SGK3: variants seen among roughly 807,000 people sequenced by gnomAD.
SGK3 encodes the protein serine/threonine-protein kinase Sgk3.
Under a neutral mutation model 68.5 loss-of-function variants are expected in SGK3, and 47 were observed. The ratio of observed to expected loss-of-function variants is 0.69; its 90% CI spans 0.54 to 0.87. The LOEUF (loss-of-function observed/expected upper bound fraction) is 0.87. Among genes scored for constraint, SGK3 ranks in the 40% least tolerant of loss-of-function variants. The pLI, the probability that SGK3 is intolerant of heterozygous loss-of-function variation, is 0.00. For missense variants in SGK3, 479 were observed against 575.5 expected (o/e 0.83, Z 1.72); for synonymous variants, 181 against 189.1 (o/e 0.96, Z 0.35).
chr8:66,783,885 C>G (rs1445912568), intron 1 of SGK3, among the ~76,000 whole-genome samples: 1 of 151,638 alleles, frequency 6.6e-6, no homozygotes, highest in Non-Finnish European at 1.5e-5. Flanking sequence ...TTTTTGTTGT[C>G]GTTGTTTGTT....
chr8:66,728,852 C>T (rs1315185425), intron 1 of SGK3, among the ~76,000 whole-genome samples: 1 of 151,520 alleles, frequency 6.6e-6, no homozygotes, highest in Non-Finnish European at 1.5e-5. Flanking sequence ...TCTAGGAGTT[C>T]ACCCAGTGAA....
chr8:66,716,052 A>G (rs931653015), intron 1 of SGK3, among the ~76,000 whole-genome samples: 1 of 152,194 alleles, frequency 6.6e-6, no homozygotes, highest in Non-Finnish European at 1.5e-5. Flanking sequence ...ATTACTGACT[A>G]AACTGCTGAT....
chr8:66,787,786 A>G (rs1316083212), intron 1 of SGK3, among the ~76,000 whole-genome samples: 1 of 152,232 alleles, frequency 6.6e-6, no homozygotes, highest in East Asian at 1.9e-4. Flanking sequence ...AGGTTCATAT[A>G]CATATTTCTG....
At chr8:66,805,025 G>A (rs1346329108) in intron 4 of SGK3, among the ~76,000 whole-genome samples, 1 of 152,104 alleles carries the variant, frequency 6.6e-6, no homozygotes, top group Admixed American at 6.6e-5. Context: ...GCTGCAGTGA[G>A]CTGTCATCAT....
In SGK3 at chr8:66,860,710, A is replaced by G. The variant is rs1379943991; in HGVS notation, c.*1129A>G. Reference sequence around the variant, plus strand: ...TCATCTTTTGAATGTTTAGTATGCTATTAAGTCATTCTGAATCTTTGTATT... The same window carrying G: ...TCATCTTTTGAATGTTTAGTATGCTGTTAAGTCATTCTGAATCTTTGTATT... On this transcript the variant is annotated 3_prime_UTR_variant, in exon 17 of 17. Coordinates refer to ENST00000521198, the MANE Select transcript of SGK3 (RefSeq NM_001033578.3). 2.0e-5 allele frequency: 3 copies of G among 152,224 alleles called. No homozygotes were observed. Among genetic ancestry groups the G allele is most frequent in the Non-Finnish European group, 4.4e-5 (3 of 68,032 alleles). 9.4% of individuals were successfully genotyped at this position (152,224 alleles called of 1,614,324 possible).
rs181679706 is a variant in SGK3 at position 66,805,066 on chromosome 8, G to A, written c.253+619G>A. Among the ~76,000 whole-genome samples, 53 of 152,208 alleles carry A rather than the reference G, an allele frequency of 3.5e-4. No individual in the cohort carries two copies. The East Asian group carries it at 3.9e-3, about 11-fold the overall frequency. ...TGCACTCCAGGCTGGGTGACAGAGCGAGACCCTATTAAAAAATTTTTTAAT... is the reference window on the plus strand; with the variant it reads ...TGCACTCCAGGCTGGGTGACAGAGCAAGACCCTATTAAAAAATTTTTTAAT... On this transcript the variant is annotated intron_variant, in intron 4 of 16. Transcript: ENST00000521198.
chr8:66,849,522 A>G (rs753029604), intron 15 of SGK3, among the ~76,000 whole-genome samples: 2 of 148,714 alleles, frequency 1.3e-5, no homozygotes, highest in Non-Finnish European at 3.0e-5. Context: ...AGTGGTTGCT[A>G]TTTTTCCCTT....
rs62513062 is a variant in SGK3 at position 66,805,480 on chromosome 8, A to G, written c.253+1033A>G. Among the ~76,000 whole-genome samples the G allele has an allele frequency of 4.9e-3, 745 of 150,996 alleles. 3 individuals carry two copies. Among genetic ancestry groups the G allele is most frequent in the Middle Eastern group, 0.017 (5 of 290 alleles). ...GTTGCAGTGAGCTGAGATCAGCAGCACTGCACTCCAGCCTGGGCGACAGAG... is the reference window on the plus strand; with the variant it reads ...GTTGCAGTGAGCTGAGATCAGCAGCGCTGCACTCCAGCCTGGGCGACAGAG... On this transcript the variant is annotated intron_variant, in intron 4 of 16. Transcript: ENST00000521198.
chr8:66,741,192 T>A (rs1021933872), intron 1 of SGK3, among the ~76,000 whole-genome samples: 3 of 152,184 alleles, frequency 2.0e-5, no homozygotes, highest in African/African-American at 7.2e-5. Context: ...AATTGGTTGC[T>A]CTTTCTTAGA....
intron 15 of SGK3, among the ~76,000 whole-genome samples, chr8:66,847,797 T>C (rs74580022): frequency 0.031 from 4,747 of 152,092 alleles, 270 homozygotes; most frequent in African/African-American, 0.11. Context: ...TCATTTCCTT[T>C]AGCAGGAATT....
At chr8:66,748,159 C>T (rs1379301144) in intron 1 of SGK3, among the ~76,000 whole-genome samples, 2 of 152,152 alleles carry the variant, frequency 1.3e-5, no homozygotes, top group East Asian at 3.9e-4. Context: ...TACTCTGCCT[C>T]CTACTTACTC....
chr8:66,848,586 C>T (rs568316968), intron 15 of SGK3, among the ~76,000 whole-genome samples: 25 of 152,296 alleles, frequency 1.6e-4, no homozygotes, highest in African/African-American at 5.3e-4. Flanking sequence ...TTTTCTTCTT[C>T]GTATTGTAGT....
intron 1 of SGK3, among the ~76,000 whole-genome samples, chr8:66,754,441 A>G (rs1805913346): frequency 6.6e-6 from 1 of 152,238 alleles, no homozygotes; most frequent in African/African-American, 2.4e-5. Flanking sequence ...TTGACCACCA[A>G]GATTACTGAT....
intron 1 of SGK3, among the ~76,000 whole-genome samples, chr8:66,783,088 A>C (rs1032712784): frequency 6.6e-6 from 1 of 152,224 alleles, no homozygotes; most frequent in Non-Finnish European, 1.5e-5. Flanking sequence ...TTGCATTCCT[A>C]CCAACAGAGA....
chr8:66,839,388 A>C (rs544804476), intron 10 of SGK3, among the ~76,000 whole-genome samples: 24 of 149,604 alleles, frequency 1.6e-4, no homozygotes, highest in Admixed American at 1.5e-3. Context: ...TTTTAAAAAA[A>C]AAAACTAAAA....
chr8:66,849,994 C>T (rs79670605), intron 15 of SGK3, among the ~76,000 whole-genome samples: 1,747 of 152,256 alleles, frequency 0.011, 28 homozygotes, highest in African/African-American at 0.04. Context: ...TTCTTATGAC[C>T]CTAGAGCAAA....
intron 1 of SGK3, among the ~76,000 whole-genome samples, chr8:66,773,993 C>T (rs1806601764): frequency 6.6e-6 from 1 of 152,136 alleles, no homozygotes; most frequent in Non-Finnish European, 1.5e-5. Context: ...TGCCGGAGAT[C>T]CCTGAAGCTT....
intron 10 of SGK3, among the ~76,000 whole-genome samples, chr8:66,836,602 C>T (rs1809541818): frequency 6.7e-6 from 1 of 149,688 alleles, no homozygotes; most frequent in Non-Finnish European, 1.5e-5. Flanking sequence ...GATTGCACTG[C>T]AGCCTGGGTA....
chr8:66,738,720 C>T (rs934787720), intron 1 of SGK3, among the ~76,000 whole-genome samples: 13 of 152,080 alleles, frequency 8.5e-5, no homozygotes, highest in African/African-American at 2.2e-4. Flanking sequence ...CTCCGCCTCC[C>T]GGGTTCACAC....
Sources: gnomAD v4.1 joint callset for allele counts (sites outside exome capture counted in the v4.1 genomes callset) on GRCh38, gnomAD v4.1.1 for gene constraint, MANE v1.5 for transcripts, NCBI Gene and HGNC (gene_info 2026-07-23, HGNC 2026-07-21) for gene names.